IP6K1: variants seen among roughly 807,000 people sequenced by gnomAD.
IP6K1 encodes ATP:1D-myo-inositol-hexakisphosphate phosphotransferase.
IP6K1 carries 13 observed loss-of-function variants against 38.3 expected under a neutral mutation model. The ratio of observed to expected loss-of-function variants is 0.34; its 90% CI spans 0.22 to 0.54. The LOEUF is 0.54. Ranked by LOEUF, IP6K1 falls within the 20% of genes least tolerant of loss-of-function variation. The probability of loss-of-function intolerance (pLI) is 0.92; values close to 1 mark genes in which losing one functional copy is unlikely to be tolerated. For synonymous variants in IP6K1, 212 were observed against 229.9 expected (o/e 0.92, Z 0.70); for missense variants, 397 against 599.8 (o/e 0.66, Z 3.53).
At chr3:49,778,590 G>A (rs2081038935) in intron 1 of IP6K1, among the ~76,000 whole-genome samples, 1 of 152,046 alleles carries the variant, frequency 6.6e-6, no homozygotes, top group Admixed American at 6.6e-5. Flanking sequence ...CCGAGATCGT[G>A]CCTCTGCAAT....
chr3:49,738,552 T>C, intron 2 of IP6K1, 130 bp from the exon 3 acceptor site: 2 of 687,084 alleles, frequency 2.9e-6, no homozygotes, highest in Non-Finnish European at 5.3e-6. Flanking sequence ...CAGATCAATA[T>C]CAGAACAACA....
At chr3:49,781,283 G>A (rs963315106) in intron 1 of IP6K1, among the ~76,000 whole-genome samples, 6 of 152,060 alleles carry the variant, frequency 3.9e-5, no homozygotes, top group African/African-American at 7.2e-5. Context: ...GGCTGGTCTC[G>A]AACTCCTGAC....
At chr3:49,729,218 C>T (rs912116981) in intron 4 of IP6K1, among the ~76,000 whole-genome samples, 1 of 152,098 alleles carries the variant, frequency 6.6e-6, no homozygotes, top group African/African-American at 2.4e-5. Context: ...TTTTAAATGT[C>T]TGGCTTATTT....
At chr3:49,755,926 G>C (rs1448692499) in intron 1 of IP6K1, among the ~76,000 whole-genome samples, 1 of 152,152 alleles carries the variant, frequency 6.6e-6, no homozygotes, top group African/African-American at 2.4e-5. Context: ...ATGAGGGTGA[G>C]AGAGAACAAT....
chr3:49,747,888 G>A lies in IP6K1; in HGVS notation c.153C>T (p.Leu51=). 1 of 1,614,222 alleles carries A rather than the reference G, an allele frequency of 6.2e-7. No individual in the cohort carries two copies. The highest frequency in any genetic ancestry group is 8.5e-7 in the Non-Finnish European group (1 of 1,180,034). ...RYDDHTVCKP[L]ISREQRFYES... The stretch of plus-strand genomic sequence containing the variant: ...CGTAAAAGCGCTGTTCCCGGGAGAT[G>A]AGGGGCTTGCACACAGTGTGATCGT... The change falls in exon 2 of 6, where the codon CTC becomes CTT. Residue 51 remains leucine, a synonymous_variant. Transcript: ENST00000321599.
chr3:49,743,572 G>C (rs1003662412), intron 2 of IP6K1, among the ~76,000 whole-genome samples: 1 of 150,862 alleles, frequency 6.6e-6, no homozygotes, highest in Non-Finnish European at 1.5e-5. Context: ...CCAGCTACTC[G>C]GGGGGCTGAG....
chr3:49,779,885 A>C (rs1369172884), intron 1 of IP6K1, among the ~76,000 whole-genome samples: 3 of 151,966 alleles, frequency 2.0e-5, no homozygotes, highest in Non-Finnish European at 4.4e-5. Flanking sequence ...ATGGGGTCTC[A>C]CTATGTTGCC....
rs534514948 is a variant in IP6K1, at chr3:49,727,931, T to A, written c.792+172A>T. Reference sequence around the variant, plus strand: ...CAGGCAAGAGTCTTATTTGTCCCAATGTCGAGGCAGCAGACTCTCACAGTG... The same window carrying A: ...CAGGCAAGAGTCTTATTTGTCCCAAAGTCGAGGCAGCAGACTCTCACAGTG... On this transcript the variant is annotated intron_variant, in intron 5 of 5. Coordinates refer to ENST00000321599, the MANE Select transcript of IP6K1 (RefSeq NM_153273.4). This position sits in a 1 kb window ranked among gnomAD's most constrained non-coding sequence, Gnocchi z 5.9. 3.3e-5 allele frequency among the ~76,000 whole-genome samples: 5 copies of A among 152,284 alleles called. No homozygotes were observed. The South Asian group carries it at 1.0e-3, about 32-fold the overall frequency.
chr3:49,729,050 G>T (rs957105980), intron 4 of IP6K1, among the ~76,000 whole-genome samples: 1 of 151,670 alleles, frequency 6.6e-6, no homozygotes, highest in Non-Finnish European at 1.5e-5. Context: ...GTCTCAGGGG[G>T]TTCAAGCCAT....
intron 4 of IP6K1, among the ~76,000 whole-genome samples, chr3:49,731,887 C>CAAAAATAAAAAAAAAAAAAA (rs2080565058): frequency 1.5e-5 from 1 of 65,342 alleles, no homozygotes; most frequent in Non-Finnish European, 2.9e-5. Flanking sequence ...GACTCTGTCT[C>CAAAAATAAAAAAAAAAAAAA]AAAAAAAAAA....
At chr3:49,776,512 GTC>G (rs2081009937) in intron 1 of IP6K1, among the ~76,000 whole-genome samples, 1 of 143,398 alleles carries the variant, frequency 7.0e-6, no homozygotes, top group Non-Finnish European at 1.6e-5. Flanking sequence ...GCAAGACTCA[GTC>G]TCAGTAAAAA....
At chr3:49,758,036 G>A (rs772299901) in intron 1 of IP6K1, among the ~76,000 whole-genome samples, 11 of 152,202 alleles carry the variant, frequency 7.2e-5, no homozygotes, top group Non-Finnish European at 1.2e-4. Flanking sequence ...GTGGCCAGGC[G>A]CAGTGGCTTA....
chr3:49,766,223 G>GT (rs1463326367), intron 1 of IP6K1, among the ~76,000 whole-genome samples: 3 of 152,066 alleles, frequency 2.0e-5, no homozygotes, highest in Admixed American at 2.0e-4. Context: ...AAATTCGCTG[G>GT]GTGTGGTGGC....
chr3:49,747,756 A>G, intron 2 of IP6K1, 62 bp downstream of exon 2: 4 of 1,597,246 alleles, frequency 2.5e-6, no homozygotes, highest in Non-Finnish European at 3.4e-6. Flanking sequence ...CCAAGAAAAA[A>G]CTGTGGCAAG....
intron 2 of IP6K1, 47 bp downstream of exon 2, chr3:49,747,771 C>T: frequency 1.2e-6 from 2 of 1,611,014 alleles, no homozygotes; most frequent in African/African-American, 1.3e-5. Flanking sequence ...GGCAAGGGGT[C>T]TATAAGCCCA....
At chr3:49,761,976 T>C (rs964033352) in intron 1 of IP6K1, among the ~76,000 whole-genome samples, 1 of 152,004 alleles carries the variant, frequency 6.6e-6, no homozygotes, top group Non-Finnish European at 1.5e-5. Flanking sequence ...TCTGGTGAGA[T>C]GGGGTCTCAC....
intron 1 of IP6K1, among the ~76,000 whole-genome samples, chr3:49,763,069 C>T (rs1382505697): frequency 6.6e-6 from 1 of 151,032 alleles, no homozygotes; most frequent in Admixed American, 6.6e-5. Flanking sequence ...GGATTATAGG[C>T]GTGAGCCACC....
At chr3:49,741,343 A>G (rs1218204141) in intron 2 of IP6K1, among the ~76,000 whole-genome samples, 1 of 152,252 alleles carries the variant, frequency 6.6e-6, no homozygotes, top group African/African-American at 2.4e-5. Flanking sequence ...AAACTATTAT[A>G]GCCATACTAG....
intron 1 of IP6K1, among the ~76,000 whole-genome samples, chr3:49,771,413 C>T (rs1345079030): frequency 9.9e-5 from 15 of 151,924 alleles, no homozygotes; most frequent in Admixed American, 6.6e-5. Flanking sequence ...ACTTCACAAA[C>T]GAAGATACAC....
Sources: allele counts gnomAD v4.1 joint callset (sites outside exome capture counted in the v4.1 genomes callset), GRCh38; gene constraint gnomAD v4.1.1; non-coding constraint Gnocchi (gnomAD v3.1); transcripts MANE v1.5; gene names NCBI Gene and HGNC (gene_info 2026-07-23, HGNC 2026-07-21).